Variants in GALNT15 observed in about 807,000 individuals in gnomAD.
The protein encoded by GALNT15 is UDP-GalNAc transferase T15.
In GALNT15, 67 loss-of-function variants were observed where a neutral mutation model predicts 66.8. That is an observed-to-expected ratio of 1.00 (90% confidence interval 0.82 to 1.23). GALNT15 has a LOEUF of 1.23. Among genes scored for constraint, GALNT15 ranks in the 50% most tolerant of loss-of-function variants. The pLI is 0.00. For synonymous variants in GALNT15, 313 were observed against 311.5 expected (o/e 1.00, Z -0.05); for missense variants, 827 against 804.3 (o/e 1.03, Z -0.34).
At chr3:16,232,492 ATATATATATATATATATATT>A (rs2064093882), downstream of GALNT15, among the ~76,000 whole-genome samples, 2 of 84,858 alleles carry the variant, frequency 2.4e-5, no homozygotes, top group African/African-American at 1.0e-4. Context: ...ATATATATAT[ATATATATATATATATATATT>A]TATTTAAAAG....
intron 4 of GALNT15, among the ~76,000 whole-genome samples, chr3:16,210,299 A>T (rs1298694054): frequency 1.3e-5 from 2 of 152,238 alleles, no homozygotes; most frequent in African/African-American, 2.4e-5. Flanking sequence ...AATTATACTG[A>T]ATAATCATTA....
At position 16,180,936 on chromosome 3, in the gene GALNT15, C is replaced by T. The variant is rs149859637; in HGVS notation, c.539+5246C>T. ...GTGTGACCTTGTACAAGTCACTCAA[C>T]CTCTCTGAGCCTCAGTTCCTCAACT... On this transcript the variant is annotated intron_variant, in intron 1 of 9. Transcript: ENST00000339732. This position sits in a 1 kb window ranked among gnomAD's most constrained non-coding sequence, Gnocchi z 5.0. Among the ~76,000 whole-genome samples, 134 of 152,330 alleles carry T rather than the reference C, an allele frequency of 8.8e-4. No individual in the cohort carries two copies. Among genetic ancestry groups the T allele is most frequent in the African/African-American group, 3.0e-3 (126 of 41,580 alleles).
Position 16,211,685 on chromosome 3 carries a change from A to C in GALNT15, c.1197+444A>C, listed in dbSNP as rs926551590. On this transcript the variant is annotated intron_variant, in intron 5 of 9. Coordinates refer to ENST00000339732, the MANE Select transcript of GALNT15 (RefSeq NM_054110.5). The surrounding 1 kb of genome is among the most constrained non-coding windows in gnomAD (Gnocchi z 4.3). Reference sequence around the variant, plus strand: ...CTGTTGGGCACCACACAACTTCTCAAACCTTGGAGTCACCCTCATTTCCTG... The same window carrying C: ...CTGTTGGGCACCACACAACTTCTCACACCTTGGAGTCACCCTCATTTCCTG... 6.6e-6 allele frequency among the ~76,000 whole-genome samples: 1 copy of C among 152,178 alleles called. No individual in the cohort carries two copies. The highest frequency in any genetic ancestry group is 2.4e-5 in the African/African-American group (1 of 41,438).
Position 16,175,740 on chromosome 3 carries a change from T to C in GALNT15, c.539+50T>C. 6.7e-7 allele frequency: 1 copy of C among 1,490,582 alleles called. No homozygotes were observed. The highest frequency in any genetic ancestry group is 9.0e-7 in the Non-Finnish European group (1 of 1,115,402). 92.3% of individuals were successfully genotyped at this position (1,490,582 alleles called of 1,614,324 possible). ...TCCCTGATCCCAGGGCATGATCGGG[T>C]GGTAGCAAACTCGGGAATGCAAACT... On this transcript the variant is annotated intron_variant, in intron 1 of 9. Transcript: ENST00000339732. The surrounding 1 kb of genome is among the most constrained non-coding windows in gnomAD (Gnocchi z 5.6).
intron 6 of GALNT15, among the ~76,000 whole-genome samples, chr3:16,214,594 C>T (rs574784461): frequency 6.6e-6 from 1 of 151,772 alleles, no homozygotes; most frequent in African/African-American, 2.4e-5. Flanking sequence ...GTGCCAGGCC[C>T]TGGGTGGGTC....
chr3:16,212,653 C>G lies in GALNT15; in HGVS notation c.1282C>G (p.Leu428Val). The G allele has an allele frequency of 1.2e-6, 2 of 1,613,990 alleles. No individual in the cohort carries two copies. Among genetic ancestry groups the G allele is most frequent in the South Asian group, 2.2e-5 (2 of 91,076 alleles). ...CCAAAATCAGGATTCCCATTCCCCC[C>G]TCGACCAGGAGGCCACCCTGAGGAA... ...IYQNQDSHSP[L>V]DQEATLRNRV... is the part of the protein sequence containing the mutation. The change falls in exon 6 of 10, where the codon CTC (leucine) becomes GTC (valine). Residue 428 changes from leucine (L) to valine (V), a missense_variant. Physicochemically the swap from Leu to Val is conservative, Grantham distance 32 (BLOSUM62 1). Transcript: ENST00000339732.
intron 1 of GALNT15, among the ~76,000 whole-genome samples, chr3:16,194,468 T>G (rs1207338361): frequency 6.6e-6 from 1 of 152,246 alleles, no homozygotes; most frequent in African/African-American, 2.4e-5. Context: ...TGCAAAAATT[T>G]TCTCCAATTT....
chr3:16,225,343 C>T lies in GALNT15; in HGVS notation c.1774-2011C>T, dbSNP rs1047151950. 1.3e-5 allele frequency among the ~76,000 whole-genome samples: 2 copies of T among 152,218 alleles called. No homozygotes were observed. The highest frequency in any genetic ancestry group is 4.8e-5 in the African/African-American group (2 of 41,456). On this transcript the variant is annotated intron_variant, in intron 9 of 9. Coordinates refer to ENST00000339732, the MANE Select transcript of GALNT15 (RefSeq NM_054110.5). This position sits in a 1 kb window ranked among gnomAD's most constrained non-coding sequence, Gnocchi z 4.4. ...CATCCAAACTATATCAACTACTAAA[C>T]TTTACACTTAAAAATGCCTAAGATT...
At position 16,209,627 on chromosome 3, in the gene GALNT15, G is replaced by A. The variant is rs1290176760; in HGVS notation, c.1079+957G>A. Among the ~76,000 whole-genome samples, 1 of 152,054 alleles carries A rather than the reference G, an allele frequency of 6.6e-6. No homozygotes were observed. Among genetic ancestry groups the A allele is most frequent in the Non-Finnish European group, 1.5e-5 (1 of 68,016 alleles). ...GAGGCCAGGAGTTCGAGACCAACCT[G>A]GCCATCATGGCGAAACCCCATCTCT... On this transcript the variant is annotated intron_variant, in intron 4 of 9. Transcript: ENST00000339732. The surrounding 1 kb of genome is among the most constrained non-coding windows in gnomAD (Gnocchi z 4.1).
At chr3:16,241,861 T>C in the GALNT15 span, among the ~76,000 whole-genome samples, 1 of 152,188 alleles carries the variant, frequency 6.6e-6, no homozygotes, top group Non-Finnish European at 1.5e-5. This position sits in a 1 kb window ranked among gnomAD's most constrained non-coding sequence, Gnocchi z 4.6. Flanking sequence ...ACAGCAACTA[T>C]TATGGCTCAT....
chr3:16,188,099 G>A lies in GALNT15; in HGVS notation c.540-7661G>A, dbSNP rs1364899290. Among the ~76,000 whole-genome samples the A allele has an allele frequency of 1.3e-5, 2 of 151,996 alleles. No individual in the cohort carries two copies. The highest frequency in any genetic ancestry group is 4.8e-5 in the African/African-American group (2 of 41,358). On this transcript the variant is annotated intron_variant, in intron 1 of 9. Transcript: ENST00000339732. The surrounding 1 kb of genome is among the most constrained non-coding windows in gnomAD (Gnocchi z 4.6). Reference sequence around the variant, plus strand: ...AGCCTGATGGAAGGTCGTCGTCCAGGGCATGTGGCACATCTAGCACATCTA... The same window carrying A: ...AGCCTGATGGAAGGTCGTCGTCCAGAGCATGTGGCACATCTAGCACATCTA...
rs543632363 is a variant in GALNT15, at chr3:16,181,345, C to T, written c.539+5655C>T. ...CTCCCCAGGTGGTTCTATCGTGAAG[C>T]CAGGCTGCAAGGCCCCAGGTGGTCA... On this transcript the variant is annotated intron_variant, in intron 1 of 9. Transcript: ENST00000339732. This position sits in a 1 kb window ranked among gnomAD's most constrained non-coding sequence, Gnocchi z 5.9. Among the ~76,000 whole-genome samples the T allele has an allele frequency of 2.2e-3, 334 of 152,186 alleles. 4 individuals carry two copies. The highest frequency in any genetic ancestry group is 9.6e-4 in the Non-Finnish European group (65 of 68,002).
At chr3:16,232,483 T>TATATATAC (rs2064093339), downstream of GALNT15, among the ~76,000 whole-genome samples, 2 of 71,450 alleles carry the variant, frequency 2.8e-5, no homozygotes, top group East Asian at 8.6e-4. Context: ...TATATATATA[T>TATATATAC]ATATATATAT....
chr3:16,201,242 G>C lies in GALNT15; in HGVS notation c.911+419G>C, dbSNP rs376393611. Among the ~76,000 whole-genome samples the C allele has an allele frequency of 1.8e-4, 27 of 151,988 alleles. No individual in the cohort carries two copies. In the East Asian group the frequency reaches 1.9e-3, roughly 11 times the overall value. On this transcript the variant is annotated intron_variant, in intron 3 of 9. Transcript: ENST00000339732. ...TGTCACCCAGGCTGGAGTGCAGCGG[G>C]GCGATCTCGGCTCACTGCAAGCTGC...
chr3:16,210,236 C>CA (rs2063798984), intron 4 of GALNT15, among the ~76,000 whole-genome samples: 1 of 152,184 alleles, frequency 6.6e-6, no homozygotes, highest in South Asian at 2.1e-4. Context: ...AAGCTGAGCT[C>CA]AAAGACACAT....
At chr3:16,235,443 A>G (rs983900650), downstream of GALNT15, among the ~76,000 whole-genome samples, 2 of 152,238 alleles carry the variant, frequency 1.3e-5, no homozygotes, top group African/African-American at 4.8e-5. Context: ...TAGAGGATAT[A>G]GAAGTATACC....
chr3:16,193,007 C>T lies in GALNT15; in HGVS notation c.540-2753C>T, dbSNP rs1379608502. Among the ~76,000 whole-genome samples, 1 of 152,092 alleles carries T rather than the reference C, an allele frequency of 6.6e-6. No homozygotes were observed. Among genetic ancestry groups the T allele is most frequent in the Admixed American group, 6.6e-5 (1 of 15,266 alleles). On this transcript the variant is annotated intron_variant, in intron 1 of 9. Transcript: ENST00000339732. The surrounding 1 kb of genome is among the most constrained non-coding windows in gnomAD (Gnocchi z 4.7). The stretch of plus-strand genomic sequence containing the variant: ...GAACCATGTCGGATTCCTGGTTTTG[C>T]TCATTGTGGATGATTACGTGAGATA...
downstream of GALNT15, among the ~76,000 whole-genome samples, chr3:16,235,255 C>T (rs1406760798): frequency 6.6e-6 from 1 of 152,146 alleles, no homozygotes. Context: ...TAACATTAGA[C>T]ATCCTTCCTC....
Position 16,174,917 on chromosome 3 carries a change from A to G in GALNT15, c.-235A>G. The G allele has an allele frequency of 1.9e-6, 1 of 519,824 alleles. No individual in the cohort carries two copies. 32.2% of individuals were successfully genotyped at this position (519,824 alleles called of 1,614,324 possible). A position where few individuals can be genotyped will look rare whatever the true frequency, so the allele number is the denominator to read the frequency against. Reference sequence around the variant, plus strand: ...TGAATGGGCTTTCAGAAGGCAATTAAAGAAATCCACTCAGAGAGGACTTGG... The same window carrying G: ...TGAATGGGCTTTCAGAAGGCAATTAGAGAAATCCACTCAGAGAGGACTTGG... On this transcript the variant is annotated 5_prime_UTR_variant, in exon 1 of 10. It removes the in-frame stop codon of an upstream open reading frame in the 5' UTR. Coordinates refer to ENST00000339732, the MANE Select transcript of GALNT15 (RefSeq NM_054110.5). This position sits in a 1 kb window ranked among gnomAD's most constrained non-coding sequence, Gnocchi z 4.7.
Sources: allele counts gnomAD v4.1 joint callset (sites outside exome capture counted in the v4.1 genomes callset), GRCh38; gene constraint gnomAD v4.1.1; non-coding constraint Gnocchi (gnomAD v3.1); transcripts MANE v1.5; gene names NCBI Gene and HGNC (gene_info 2026-07-23, HGNC 2026-07-21).